Variants in ZFYVE9 observed in about 807,000 individuals in gnomAD.
ZFYVE9 encodes the protein zinc finger FYVE domain-containing protein 9.
A neutral mutation model predicts 126.7 loss-of-function variants in ZFYVE9; 43 were observed. The observed-to-expected ratio is 0.34, with a 90% CI of 0.27 to 0.44. ZFYVE9 has a LOEUF of 0.44. Ranked by LOEUF, ZFYVE9 falls within the 20% of genes least tolerant of loss-of-function variation. The pLI is 1.00. For synonymous variants in ZFYVE9, 521 were observed against 597.4 expected, an observed-to-expected ratio of 0.87 and a Z score of 1.87; for missense variants, 1,476 against 1,697.0, an observed-to-expected ratio of 0.87 and a Z score of 2.29.
chr1:52,195,967 A>AT (rs905464428), intron 1 of ZFYVE9, among the ~76,000 whole-genome samples: 2 of 151,728 alleles, frequency 1.3e-5, no homozygotes, highest in African/African-American at 4.8e-5. Context: ...TAATTTTTGT[A>AT]TTTTTTAGTA....
chr1:52,251,297 T>C (rs1645444178), intron 4 of ZFYVE9, among the ~76,000 whole-genome samples: 1 of 152,094 alleles, frequency 6.6e-6, no homozygotes, highest in South Asian at 2.1e-4. Flanking sequence ...GCTTTCGGTC[T>C]TTTACCAGTG....
chr1:52,177,264 C>G (rs1433323799), intron 1 of ZFYVE9, among the ~76,000 whole-genome samples: 1 of 152,122 alleles, frequency 6.6e-6, no homozygotes, highest in Admixed American at 6.5e-5. Context: ...CTTCTCCTGC[C>G]TCAGCCTCCC....
chr1:52,234,990 CTT>C (rs770108446), intron 3 of ZFYVE9, among the ~76,000 whole-genome samples: 2 of 152,158 alleles, frequency 1.3e-5, no homozygotes, highest in Non-Finnish European at 2.9e-5. Context: ...ACATTTGTCT[CTT>C]TGTGACTTCT....
intron 12 of ZFYVE9, among the ~76,000 whole-genome samples, chr1:52,296,358 A>G (rs1645975231): frequency 6.6e-6 from 1 of 152,068 alleles, no homozygotes; most frequent in Non-Finnish European, 1.5e-5. Context: ...CTGGCATTCT[A>G]TGAGTTTCTC....
In ZFYVE9 at chr1:52,230,418, C is replaced by T. The variant is rs143501624; in HGVS notation, c.-36-2753C>T. Among the ~76,000 whole-genome samples the T allele has an allele frequency of 5.8e-3, 875 of 151,166 alleles. 14 individuals carry two copies. The highest frequency in any genetic ancestry group is 0.02 in the African/African-American group (835 of 41,128). ...GAACAACACACACCAGGGCCTGTTG[C>T]GGGGGTGGGGATCGTACTTAGAGGA... On this transcript the variant is annotated intron_variant, in intron 2 of 18. Coordinates refer to ENST00000287727, the MANE Select transcript of ZFYVE9 (RefSeq NM_004799.4).
At position 52,301,291 on chromosome 1, in the gene ZFYVE9, C is replaced by CTTT. The variant is rs527599525; in HGVS notation, c.3334-2505_3334-2503dup. Among the ~76,000 whole-genome samples the CTTT allele has an allele frequency of 1.3e-3, 97 of 72,646 alleles. 10 individuals carry two copies. Among genetic ancestry groups the CTTT allele is most frequent in the Non-Finnish European group, 1.8e-3 (73 of 39,638 alleles). 47.7% of individuals were successfully genotyped at this position (72,646 alleles called of 152,430 possible). A position where few individuals can be genotyped will look rare whatever the true frequency, so the allele number is the denominator to read the frequency against. ...CTTAACGTTGTTTTTCTTTTTCCAT[C>CTTT]TTTTTTTTTTTTTTTTTTTTTTTTT... On this transcript the variant is annotated intron_variant, in intron 12 of 18. Coordinates refer to ENST00000287727, the MANE Select transcript of ZFYVE9 (RefSeq NM_004799.4).
chr1:52,292,565 A>T (rs1304533261), intron 10 of ZFYVE9, among the ~76,000 whole-genome samples: 1 of 139,202 alleles, frequency 7.2e-6, no homozygotes, highest in African/African-American at 2.7e-5. Flanking sequence ...TCCGCCTCCC[A>T]GGTTCGAGCA....
chr1:52,183,322 A>T (rs2124544605), intron 1 of ZFYVE9, among the ~76,000 whole-genome samples: 1 of 152,308 alleles, frequency 6.6e-6, no homozygotes, highest in African/African-American at 2.4e-5. Flanking sequence ...AATGTTTGGG[A>T]TATATGTTTG....
At chr1:52,180,608 G>A (rs1644689119) in intron 1 of ZFYVE9, 2 of 545,312 alleles carry the variant, frequency 3.7e-6, no homozygotes, top group South Asian at 2.2e-5. Context: ...TTTTAAAAAA[G>A]GATAAAGTAA....
At chr1:52,187,908 C>T (rs1422874462) in intron 1 of ZFYVE9, among the ~76,000 whole-genome samples, 1 of 152,086 alleles carries the variant, frequency 6.6e-6, no homozygotes, top group Admixed American at 6.6e-5. Flanking sequence ...ACAGTGATTC[C>T]CTTGTTTTGT....
intron 10 of ZFYVE9, among the ~76,000 whole-genome samples, chr1:52,292,149 G>A (rs1162654886): frequency 1.3e-5 from 2 of 151,622 alleles, no homozygotes; most frequent in Non-Finnish European, 1.5e-5. Context: ...GAGTGTGGTG[G>A]TGCATGTTTG....
chr1:52,216,283 A>C lies in ZFYVE9; in HGVS notation c.-142-86A>C, dbSNP rs1645071762. Reference sequence around the variant, plus strand: ...CTACTGTTTCAGCCCTATTGCTTTCATTTGTCTGGCTATGGTAGATTTATA... The same window carrying C: ...CTACTGTTTCAGCCCTATTGCTTTCCTTTGTCTGGCTATGGTAGATTTATA... On this transcript the variant is annotated intron_variant, in intron 1 of 18. Coordinates refer to ENST00000287727, the MANE Select transcript of ZFYVE9 (RefSeq NM_004799.4). The C allele has an allele frequency of 1.0e-5, 4 of 397,274 alleles. No homozygotes were observed. In the South Asian group the frequency reaches 5.2e-4, roughly 52 times the overall value. 24.6% of individuals were successfully genotyped at this position (397,274 alleles called of 1,614,324 possible). A position where few individuals can be genotyped will look rare whatever the true frequency, so the allele number is the denominator to read the frequency against.
At chr1:52,290,962 C>T (rs1266364594) in intron 10 of ZFYVE9, among the ~76,000 whole-genome samples, 1 of 152,134 alleles carries the variant, frequency 6.6e-6, no homozygotes, top group Non-Finnish European at 1.5e-5. Context: ...CCCCAGATCC[C>T]ACAACAGTGA....
intron 13 of ZFYVE9, among the ~76,000 whole-genome samples, chr1:52,307,122 G>C (rs188517701): frequency 2.6e-5 from 4 of 152,346 alleles, no homozygotes; most frequent in Admixed American, 2.6e-4. Context: ...TCATTCCCAA[G>C]CAAATAACAT....
intron 2 of ZFYVE9, among the ~76,000 whole-genome samples, chr1:52,217,342 G>A (rs1038871907): frequency 2.8e-4 from 42 of 152,246 alleles, no homozygotes; most frequent in African/African-American, 8.4e-4. Context: ...TAACAGAAGC[G>A]GGGGTAGGAT....
intron 16 of ZFYVE9, 44 bp from the exon 17 acceptor site, chr1:52,340,082 T>C: frequency 6.5e-7 from 1 of 1,543,542 alleles, no homozygotes. Context: ...ATGGCTTTTC[T>C]AACTTCAAGA....
At chr1:52,298,359 G>T (rs886735647) in intron 12 of ZFYVE9, among the ~76,000 whole-genome samples, 4 of 152,102 alleles carry the variant, frequency 2.6e-5, no homozygotes, top group African/African-American at 9.7e-5. Flanking sequence ...TCATTCTTCT[G>T]CATGTGGATA....
At chr1:52,246,900 G>A (rs1572132526) in intron 4 of ZFYVE9, among the ~76,000 whole-genome samples, 1 of 151,944 alleles carries the variant, frequency 6.6e-6, no homozygotes, top group South Asian at 2.1e-4. Flanking sequence ...TAGAGACGGG[G>A]TTTCATCATG....
At chr1:52,168,203 CTCTTCGTCT>C (rs1231887076) in intron 1 of ZFYVE9, among the ~76,000 whole-genome samples, 1 of 149,972 alleles carries the variant, frequency 6.7e-6, no homozygotes, top group East Asian at 1.9e-4. Flanking sequence ...CCTCTTCCTC[CTCTTCGTCT>C]TCTTTTTTTT....
Sources: gnomAD v4.1 joint callset for allele counts (sites outside exome capture counted in the v4.1 genomes callset) on GRCh38, gnomAD v4.1.1 for gene constraint, MANE v1.5 for transcripts, NCBI Gene and HGNC (gene_info 2026-07-23, HGNC 2026-07-21) for gene names.